GSE1: variants seen among roughly 807,000 people sequenced by gnomAD.
GSE1 encodes the protein Gse1 coiled-coil protein.
Under a neutral mutation model 112.6 loss-of-function variants are expected in GSE1, and 32 were observed. That is an observed-to-expected ratio of 0.28 (90% CI 0.21 to 0.38). GSE1 has a LOEUF of 0.38. GSE1 is among the 10% of genes least tolerant of loss of function. GSE1 has a pLI of 1.00. For missense variants in GSE1, 2,348 were observed against 1,699.2 expected, an observed-to-expected ratio of 1.38 and a Z score of -6.71; for synonymous variants, 1,115 against 735.6, an observed-to-expected ratio of 1.52 and a Z score of -8.35.
In GSE1 at chr16:85,656,627, G is replaced by A. The variant is rs891420655; in HGVS notation, c.1274G>A (p.Arg425Gln). Residue 425 changes from arginine (R) to glutamine (Q), a missense_variant, in exon 7 of 16, where the codon CGG becomes CAG. Arg to Gln is a conservative substitution (Grantham distance 43). Transcript: ENST00000253458. The stretch of plus-strand genomic sequence containing the variant: ...CTGCGTGGCCATGCCACTGAGGAGC[G>A]GGGCAAGCCCTCGGAGCAGCTGACC... ...HGLRGHATEE[R>Q]GKPSEQLTPT... The A allele has an allele frequency of 7.1e-6, 11 of 1,539,498 alleles. No individual in the cohort carries two copies. The highest frequency in any genetic ancestry group is 4.8e-5 in the South Asian group (4 of 83,530).
chr16:85,224,301 CAAAAAAAAAAAAAAAAAAA>C (rs55755242), intron 1 of GSE1, among the ~76,000 whole-genome samples: 1 of 38,814 alleles, frequency 2.6e-5, no homozygotes, highest in Non-Finnish European at 4.2e-5. Flanking sequence ...ACTAAAAATA[CAAAAAAAAAAAAAAAAAAA>C]AAAAAAAAAA....
intron 2 of GSE1, among the ~76,000 whole-genome samples, chr16:85,374,089 TTGG>T (rs2047360963): frequency 6.6e-6 from 1 of 152,102 alleles, no homozygotes; most frequent in African/African-American, 2.4e-5. Context: ...GCTGTATGTG[TTGG>T]TGTGTGCACG....
intron 1 of GSE1, among the ~76,000 whole-genome samples, chr16:85,297,334 C>G (rs1215941973): frequency 1.3e-5 from 2 of 150,382 alleles, no homozygotes; most frequent in Non-Finnish European, 2.9e-5. Flanking sequence ...GTAGGGGCAG[C>G]AGACGAACTC....
At chr16:85,520,675 G>A (rs746153699) in intron 2 of GSE1, among the ~76,000 whole-genome samples, 1 of 151,724 alleles carries the variant, frequency 6.6e-6, no homozygotes, top group Non-Finnish European at 1.5e-5. Flanking sequence ...TACCTGCCTC[G>A]GCCTCCCAAA....
intron 1 of GSE1, among the ~76,000 whole-genome samples, chr16:85,188,134 A>G (rs2074745872): frequency 6.6e-6 from 1 of 152,138 alleles, no homozygotes; most frequent in Non-Finnish European, 1.5e-5. Context: ...GCTGGAGGGT[A>G]CCTGGGATCC....
Position 85,311,910 on chromosome 16 carries a change from G to T in GSE1, c.2284-45553G>T, listed in dbSNP as rs1320855602. The stretch of plus-strand genomic sequence containing the variant: ...AGGGTTGTGAAGTCCCTGCCTTCCC[G>T]GGTTCCCTCCGCCGGCCCAGCACTG... On this transcript the variant is annotated intron_variant, in intron 1 of 2. Transcript: ENST00000637419. This position sits in a 1 kb window ranked among gnomAD's most constrained non-coding sequence, Gnocchi z 4.2. Among the ~76,000 whole-genome samples, 1 of 152,116 alleles carries T rather than the reference G, an allele frequency of 6.6e-6. No individual in the cohort carries two copies. Among genetic ancestry groups the T allele is most frequent in the Non-Finnish European group, 1.5e-5 (1 of 68,008 alleles).
intron 1 of GSE1, among the ~76,000 whole-genome samples, chr16:85,349,432 G>T (rs1232996668): frequency 6.6e-6 from 1 of 152,164 alleles, no homozygotes; most frequent in African/African-American, 2.4e-5. Context: ...GGTCAGGACA[G>T]CGGGAGAAGA....
chr16:85,613,115 T>A (rs1405761746), upstream of GSE1: 5 of 930,258 alleles, frequency 5.4e-6, no homozygotes, highest in Non-Finnish European at 5.7e-6. Flanking sequence ...CGCGCGCGCC[T>A]GTGTGTTTGC....
chr16:85,290,339 G>A (rs927112856), intron 1 of GSE1, among the ~76,000 whole-genome samples: 5 of 152,278 alleles, frequency 3.3e-5, no homozygotes, highest in African/African-American at 9.6e-5. Context: ...CCTGGAGTGC[G>A]GCAGCCTTCA....
intron 2 of GSE1, among the ~76,000 whole-genome samples, chr16:85,492,577 G>A (rs367706416): frequency 2.6e-5 from 4 of 152,162 alleles, no homozygotes; most frequent in African/African-American, 9.7e-5. Context: ...ACAGATGGAC[G>A]ACTAGGGCCC....
intron 1 of GSE1, among the ~76,000 whole-genome samples, chr16:85,258,256 G>A (rs913223232): frequency 3.9e-5 from 6 of 152,180 alleles, no homozygotes; most frequent in Non-Finnish European, 7.4e-5. Context: ...CCATCGCACC[G>A]CTGGGAGCAG....
intron 2 of GSE1, among the ~76,000 whole-genome samples, chr16:85,538,645 G>A (rs959295129): frequency 6.6e-6 from 1 of 152,134 alleles, no homozygotes; most frequent in Non-Finnish European, 1.5e-5. Context: ...TGCCACCTTC[G>A]GAGGCCCCTG....
intron 2 of GSE1, among the ~76,000 whole-genome samples, chr16:85,438,301 G>A (rs1182758379): frequency 6.6e-6 from 1 of 152,160 alleles, no homozygotes; most frequent in Non-Finnish European, 1.5e-5. Flanking sequence ...CCATGCGGTG[G>A]TGTCTTTCCG....
intron 1 of GSE1, among the ~76,000 whole-genome samples, chr16:85,331,323 C>CTGTGTGTGTG (rs71151278): frequency 1.2e-5 from 1 of 84,508 alleles, no homozygotes; most frequent in Non-Finnish European, 2.5e-5. Flanking sequence ...CAGCTAATTT[C>CTGTGTGTGTG]TGTGTGTGTG....
intron 2 of GSE1, among the ~76,000 whole-genome samples, chr16:85,381,940 T>C (rs538356049): frequency 6.6e-6 from 1 of 152,306 alleles, no homozygotes; most frequent in African/African-American, 2.4e-5. Flanking sequence ...CCAGGCCTGC[T>C]CACAGAGTGC....
intron 1 of GSE1, among the ~76,000 whole-genome samples, chr16:85,243,708 G>A (rs893569219): frequency 5.9e-5 from 9 of 152,208 alleles, no homozygotes; most frequent in Non-Finnish European, 1.2e-4. Flanking sequence ...GTGTGTGGAC[G>A]CATCTGTGCA....
At chr16:85,586,538 C>G (rs112177864) in intron 1 of GSE1, among the ~76,000 whole-genome samples, 10 of 152,340 alleles carry the variant, frequency 6.6e-5, no homozygotes, top group African/African-American at 2.4e-4. Context: ...GATCCAGTCC[C>G]TCCCGGGAGC....
intron 1 of GSE1, among the ~76,000 whole-genome samples, chr16:85,188,290 C>G (rs1441688735): frequency 3.9e-5 from 6 of 152,176 alleles, no homozygotes; most frequent in Non-Finnish European, 8.8e-5. Context: ...GGGCCCTGTT[C>G]CCTCATCTGT....
chr16:85,233,001 G>C (rs1359866221), intron 1 of GSE1, among the ~76,000 whole-genome samples: 1 of 152,258 alleles, frequency 6.6e-6, no homozygotes. Context: ...TGAGGTCAGA[G>C]ATGGCAGTCG....
Sources: allele counts gnomAD v4.1 joint callset (sites outside exome capture counted in the v4.1 genomes callset), GRCh38; gene constraint gnomAD v4.1.1; non-coding constraint Gnocchi (gnomAD v3.1); transcripts MANE v1.5; gene names NCBI Gene and HGNC (gene_info 2026-07-23, HGNC 2026-07-21).